The following PAPPA2 variants were observed in gnomAD, a reference collection of about 807,000 sequenced individuals.
PAPPA2 encodes the protein pappalysin 2.
PAPPA2 carries 86 observed loss-of-function variants against 176.4 expected under a neutral mutation model. The ratio of observed to expected loss-of-function variants is 0.49; its 90% CI spans 0.41 to 0.58. The LOEUF is 0.58. Ranked by LOEUF, PAPPA2 falls within the 20% of genes least tolerant of loss-of-function variation. The pLI, the probability that PAPPA2 is intolerant of heterozygous loss-of-function variation, is 0.00. For synonymous variants in PAPPA2, 809 were observed against 852.2 expected (o/e 0.95, Z 0.88); for missense variants, 2,073 against 2,256.9 (o/e 0.92, Z 1.65).
In PAPPA2 at chr1:176,765,753, C is replaced by G. The variant is rs1460331758; in HGVS notation, c.4239C>G (p.Gly1413=). ...HADVVNCTSI[G]PGLMKCAITC... is the part of the protein sequence containing the mutation. ...ATGTGGTGAACTGTACCTCTATAGG[C>G]CCAGGTCTCATGAAGTGTGCTATCA... is the stretch of plus-strand genomic sequence containing the variant. The change falls in exon 15 of 23, where the codon GGC becomes GGG. Residue 1413 remains glycine, a synonymous_variant. Coordinates refer to ENST00000367662, the MANE Select transcript of PAPPA2 (RefSeq NM_020318.3). 1 of 1,613,954 alleles carries G rather than the reference C, an allele frequency of 6.2e-7. No homozygotes were observed. The highest frequency in any genetic ancestry group is 8.5e-7 in the Non-Finnish European group (1 of 1,180,030).
chr1:176,634,509 C>T (rs1239473580), intron 3 of PAPPA2, among the ~76,000 whole-genome samples: 2 of 151,964 alleles, frequency 1.3e-5, no homozygotes, highest in Non-Finnish European at 2.9e-5. Flanking sequence ...TTAATGGGTG[C>T]AGCACACCAA....
chr1:176,473,212 C>A (rs972592475), intron 1 of PAPPA2, among the ~76,000 whole-genome samples: 1 of 152,176 alleles, frequency 6.6e-6, no homozygotes, highest in African/African-American at 2.4e-5. Flanking sequence ...CCTGTCCTAA[C>A]CCCTGACAAC....
chr1:176,720,682 A>C (rs2102848682), intron 12 of PAPPA2, among the ~76,000 whole-genome samples: 1 of 152,260 alleles, frequency 6.6e-6, no homozygotes, highest in Non-Finnish European at 1.5e-5. Context: ...GGAATGGCTC[A>C]CACAATTAGG....
chr1:176,523,401 C>T (rs1649308440), intron 1 of PAPPA2, among the ~76,000 whole-genome samples: 1 of 152,154 alleles, frequency 6.6e-6, no homozygotes, highest in African/African-American at 2.4e-5. Flanking sequence ...GTCAGATTAT[C>T]TCTGGTTTCT....
rs193188416 is a variant in PAPPA2, at chr1:176,647,657, T to A, written c.1992-23313T>A. On this transcript the variant is annotated intron_variant, in intron 3 of 22. Transcript: ENST00000367662. ...GGTTATCCAGTTTTCCCAGCACTAT[T>A]TATTGAAGAGACTGTCCTTTCCCTA... Among the ~76,000 whole-genome samples the A allele has an allele frequency of 4.9e-3, 740 of 151,934 alleles. 2 individuals carry two copies. Among genetic ancestry groups the A allele is most frequent in the Non-Finnish European group, 7.9e-3 (537 of 67,812 alleles).
At chr1:176,741,722 G>T (rs554308822) in intron 14 of PAPPA2, among the ~76,000 whole-genome samples, 1 of 152,118 alleles carries the variant, frequency 6.6e-6, no homozygotes, top group South Asian at 2.1e-4. Context: ...ACAGTAAGGG[G>T]TAATGAATGT....
rs1220117886 is a variant in PAPPA2 at position 176,556,262 on chromosome 1, A to G, written c.-61A>G. 4.6e-6 allele frequency: 7 copies of G among 1,534,130 alleles called. No individual in the cohort carries two copies. The highest frequency in any genetic ancestry group is 1.4e-5 in the African/African-American group (1 of 72,852). ...CTAGCTGCCTCTTTCTCGTCTGCCC[A>G]TCACTCTGGTGTGGTACCCAGAAGT... On this transcript the variant is annotated 5_prime_UTR_variant, in exon 2 of 23. Coordinates refer to ENST00000367662, the MANE Select transcript of PAPPA2 (RefSeq NM_020318.3).
At chr1:176,831,617 G>C (rs1199120635) in intron 21 of PAPPA2, among the ~76,000 whole-genome samples, 1 of 152,172 alleles carries the variant, frequency 6.6e-6, no homozygotes, top group Non-Finnish European at 1.5e-5. Flanking sequence ...GAGACTGCAT[G>C]GGGAAGCAGG....
At chr1:176,577,639 T>C (rs537456940) in intron 2 of PAPPA2, among the ~76,000 whole-genome samples, 1 of 152,254 alleles carries the variant, frequency 6.6e-6, no homozygotes, top group Non-Finnish European at 1.5e-5. Context: ...CTGCCAGGTT[T>C]GCTTGATCTT....
chr1:176,546,143 G>A (rs998040900), intron 1 of PAPPA2, among the ~76,000 whole-genome samples: 1 of 152,168 alleles, frequency 6.6e-6, no homozygotes, highest in African/African-American at 2.4e-5. Flanking sequence ...GATAAAACAT[G>A]AGATTTGCTC....
At chr1:176,698,878 T>C (rs1377931813) in intron 7 of PAPPA2, among the ~76,000 whole-genome samples, 1 of 152,216 alleles carries the variant, frequency 6.6e-6, no homozygotes, top group African/African-American at 2.4e-5. Context: ...TTCCTCTTGC[T>C]AAGGGCACCA....
At chr1:176,680,083 C>T (rs535639605) in intron 4 of PAPPA2, among the ~76,000 whole-genome samples, 3 of 152,180 alleles carry the variant, frequency 2.0e-5, no homozygotes, top group South Asian at 2.1e-4. Flanking sequence ...TAAAAGTAAT[C>T]GGGTCTAAAT....
intron 3 of PAPPA2, among the ~76,000 whole-genome samples, chr1:176,663,445 A>G (rs1658461912): frequency 6.6e-6 from 1 of 152,104 alleles, no homozygotes; most frequent in South Asian, 2.1e-4. Context: ...CTGGCTAAGT[A>G]GAGATTTGAA....
intron 3 of PAPPA2, among the ~76,000 whole-genome samples, chr1:176,645,527 A>G (rs910269243): frequency 6.6e-6 from 1 of 151,784 alleles, no homozygotes; most frequent in South Asian, 2.1e-4. Context: ...TATTTTAGCT[A>G]TTGTAAATAC....
At chr1:176,584,554 A>G (rs533175395) in intron 2 of PAPPA2, among the ~76,000 whole-genome samples, 14 of 152,260 alleles carry the variant, frequency 9.2e-5, no homozygotes, top group Admixed American at 2.0e-4. Flanking sequence ...TATAGGCAAC[A>G]TATAGTTGGA....
intron 2 of PAPPA2, among the ~76,000 whole-genome samples, chr1:176,591,085 G>GCACACACA (rs66535582): frequency 7.4e-4 from 105 of 142,352 alleles, no homozygotes; most frequent in African/African-American, 2.0e-3. Context: ...TCACACACAT[G>GCACACACA]CACACACACA....
chr1:176,828,020 CCAGGTGTA>C (rs1267447967), intron 21 of PAPPA2, among the ~76,000 whole-genome samples: 1 of 151,868 alleles, frequency 6.6e-6, no homozygotes, highest in African/African-American at 2.4e-5. Flanking sequence ...AGAGGTTAGA[CCAGGTGTA>C]CAGTACCAAG....
chr1:176,733,320 A>C (rs184880037), intron 12 of PAPPA2, among the ~76,000 whole-genome samples: 12 of 152,312 alleles, frequency 7.9e-5, no homozygotes, highest in Non-Finnish European at 1.6e-4. Flanking sequence ...TGTTTGGAAA[A>C]TGAATCTATG....
chr1:176,559,336 A>G (rs1029942135), intron 2 of PAPPA2, among the ~76,000 whole-genome samples: 1 of 152,240 alleles, frequency 6.6e-6, no homozygotes, highest in Non-Finnish European at 1.5e-5. Flanking sequence ...GGGAATGCCC[A>G]GGGCTATCTC....
Sources: gnomAD v4.1 joint callset for allele counts (sites outside exome capture counted in the v4.1 genomes callset) on GRCh38, gnomAD v4.1.1 for gene constraint, MANE v1.5 for transcripts, NCBI Gene and HGNC (gene_info 2026-07-23, HGNC 2026-07-21) for gene names.